SLC14A2: variants seen among roughly 807,000 people sequenced by gnomAD.
The protein encoded by SLC14A2 is urea transporter 2.
In SLC14A2, 91 loss-of-function variants were observed where a neutral mutation model predicts 104.6. That is an observed-to-expected ratio of 0.87 (90% CI 0.73 to 1.04). The LOEUF is 1.04. Among genes scored for constraint, SLC14A2 ranks in the 50% least tolerant of loss-of-function variants. SLC14A2 has a pLI of 0.00. For synonymous variants in SLC14A2, 476 were observed against 466.4 expected, an observed-to-expected ratio of 1.02 and a Z score of -0.27; for missense variants, 1,189 against 1,156.0, an observed-to-expected ratio of 1.03 and a Z score of -0.41.
intron 10 of SLC14A2, among the ~76,000 whole-genome samples, chr18:45,648,253 TG>T (rs1220846952): frequency 2.1e-5 from 3 of 141,398 alleles, no homozygotes; most frequent in South Asian, 2.5e-4. Context: ...TCGCCCAGGC[TG>T]GAGTGCAGTG....
chr18:45,562,940 C>T (rs1349719151), intron 2 of SLC14A2, among the ~76,000 whole-genome samples: 2 of 152,118 alleles, frequency 1.3e-5, no homozygotes, highest in South Asian at 2.1e-4. Context: ...TTAATTGAGT[C>T]GCCACTGAAA....
chr18:45,527,096 G>A (rs2043603194), intron 2 of SLC14A2, among the ~76,000 whole-genome samples: 1 of 152,178 alleles, frequency 6.6e-6, no homozygotes, highest in Admixed American at 6.5e-5. Flanking sequence ...AAGTCACATA[G>A]CTGGTCAATG....
chr18:45,248,844 C>A (rs1047906050), intron 1 of SLC14A2, among the ~76,000 whole-genome samples: 11 of 152,360 alleles, frequency 7.2e-5, no homozygotes, highest in African/African-American at 1.4e-4. Flanking sequence ...TCTCCTCTCT[C>A]TTCTAAACAG....
chr18:45,682,625 C>T lies in SLC14A2; in HGVS notation c.*106C>T. 1 of 884,970 alleles carries T rather than the reference C, an allele frequency of 1.1e-6. No homozygotes were observed. Among genetic ancestry groups the T allele is most frequent in the Non-Finnish European group, 1.9e-6 (1 of 532,924 alleles). The allele number at this position is 884,970 out of a possible 1,614,324, so 54.8% of individuals were successfully genotyped here. A position where few individuals can be genotyped will look rare whatever the true frequency, so the allele number is the denominator to read the frequency against. Reference sequence around the variant, plus strand: ...CTTCCCTTTGGTCTGTTCTGTGACTCTCTCCCCAAACACAAAGAAGCGTGT... The same window carrying T: ...CTTCCCTTTGGTCTGTTCTGTGACTTTCTCCCCAAACACAAAGAAGCGTGT... On this transcript the variant is annotated 3_prime_UTR_variant, in exon 20 of 20. Transcript: ENST00000255226.
chr18:45,181,869 C>T, the SLC14A2 span, among the ~76,000 whole-genome samples: 1 of 152,012 alleles, frequency 6.6e-6, no homozygotes, highest in Non-Finnish European at 1.5e-5. Flanking sequence ...TAATGAGTTT[C>T]CATTAATATG....
the SLC14A2 span, among the ~76,000 whole-genome samples, chr18:45,206,760 G>C: frequency 6.6e-6 from 1 of 152,160 alleles, no homozygotes; most frequent in Non-Finnish European, 1.5e-5. Context: ...CAGGCCTCTG[G>C]ACAGGGGGTT....
the SLC14A2 span, among the ~76,000 whole-genome samples, chr18:45,187,295 G>A: frequency 1.3e-5 from 2 of 152,034 alleles, no homozygotes; most frequent in African/African-American, 2.4e-5. Flanking sequence ...TTTAGATGGA[G>A]GCTTCACATT....
intron 2 of SLC14A2, among the ~76,000 whole-genome samples, chr18:45,606,172 T>C (rs1042152808): frequency 1.3e-5 from 2 of 152,126 alleles, no homozygotes; most frequent in African/African-American, 2.4e-5. Flanking sequence ...TTGAAATCCT[T>C]ACTCCTTTAT....
chr18:45,591,740 A>G (rs2044648867), intron 2 of SLC14A2, among the ~76,000 whole-genome samples: 1 of 152,226 alleles, frequency 6.6e-6, no homozygotes, highest in Non-Finnish European at 1.5e-5. Flanking sequence ...TCTCTCCACC[A>G]AAGGAGACCC....
intron 1 of SLC14A2, among the ~76,000 whole-genome samples, chr18:45,348,596 C>T (rs890307785): frequency 4.6e-5 from 7 of 152,180 alleles, no homozygotes; most frequent in African/African-American, 1.7e-4. Flanking sequence ...CATCACTGGA[C>T]CTGAACAGTC....
upstream of SLC14A2, among the ~76,000 whole-genome samples, chr18:45,208,423 A>G (rs2083933343): frequency 6.6e-6 from 1 of 152,206 alleles, no homozygotes; most frequent in Non-Finnish European, 1.5e-5. Flanking sequence ...CGACAAGCTT[A>G]TGAGTTAACG....
chr18:45,493,999 G>C (rs1465605934), intron 2 of SLC14A2, among the ~76,000 whole-genome samples: 1 of 152,180 alleles, frequency 6.6e-6, no homozygotes, highest in African/African-American at 2.4e-5. Context: ...TGTCTGCAAA[G>C]AGGAAAGGCA....
intron 1 of SLC14A2, among the ~76,000 whole-genome samples, chr18:45,434,676 A>ACCTG (rs2086568385): frequency 2.6e-5 from 4 of 152,216 alleles, no homozygotes; most frequent in African/African-American, 9.6e-5. Context: ...AGAGATTGAA[A>ACCTG]AATAGTTTAA....
chr18:45,659,083 A>C (rs2063196392), intron 10 of SLC14A2, among the ~76,000 whole-genome samples: 2 of 152,156 alleles, frequency 1.3e-5, no homozygotes, highest in South Asian at 4.1e-4. Context: ...GGAGAGCAGC[A>C]GCTCCTACAC....
At chr18:45,590,357 C>G (rs1185840339) in intron 2 of SLC14A2, among the ~76,000 whole-genome samples, 3 of 152,130 alleles carry the variant, frequency 2.0e-5, no homozygotes, top group Non-Finnish European at 4.4e-5. Context: ...CATACTCCCC[C>G]CAGCTATGAA....
At chr18:45,600,487 T>C (rs1263327750) in intron 2 of SLC14A2, among the ~76,000 whole-genome samples, 2 of 151,970 alleles carry the variant, frequency 1.3e-5, no homozygotes, top group Non-Finnish European at 2.9e-5. Context: ...CAACACACAG[T>C]GAACAGGCAG....
intron 2 of SLC14A2, among the ~76,000 whole-genome samples, chr18:45,548,448 A>AT (rs1328713957): frequency 6.6e-6 from 1 of 152,226 alleles, no homozygotes; most frequent in African/African-American, 2.4e-5. Context: ...TCACACCTAT[A>AT]ATCCCAACAC....
intron 2 of SLC14A2, among the ~76,000 whole-genome samples, chr18:45,583,269 C>T (rs2044523249): frequency 6.6e-6 from 1 of 152,194 alleles, no homozygotes; most frequent in Admixed American, 6.5e-5. Context: ...ATGATCTTCC[C>T]CAGCTTCTCT....
At chr18:45,513,244 T>A (rs1433441016) in intron 2 of SLC14A2, among the ~76,000 whole-genome samples, 1 of 152,228 alleles carries the variant, frequency 6.6e-6, no homozygotes, top group Non-Finnish European at 1.5e-5. Flanking sequence ...TGTTTCTGTG[T>A]GCCTCTGGAT....
Sources: gnomAD v4.1 joint callset for allele counts (sites outside exome capture counted in the v4.1 genomes callset) on GRCh38, gnomAD v4.1.1 for gene constraint, MANE v1.5 for transcripts, NCBI Gene and HGNC (gene_info 2026-07-23, HGNC 2026-07-21) for gene names.